Variants in AFF2 observed in about 807,000 individuals in gnomAD.
AFF2 encodes ALF transcription elongation factor 2.
Under a neutral mutation model 76.9 loss-of-function variants are expected in AFF2, and 14 were observed. The ratio of observed to expected loss-of-function variants is 0.18; its 90% CI spans 0.12 to 0.28. AFF2 has a LOEUF of 0.28. Among genes scored for constraint, AFF2 ranks in the 10% least tolerant of loss-of-function variants. The pLI, the probability that AFF2 is intolerant of heterozygous loss-of-function variation, is 1.00. For missense variants in AFF2, 868 were observed against 1,001.1 expected, an observed-to-expected ratio of 0.87 and a Z score of 1.79; for synonymous variants, 398 against 366.7, an observed-to-expected ratio of 1.09 and a Z score of -0.98.
At chrX:148,716,501 T>C (rs972656925) in intron 3 of AFF2, among the ~76,000 whole-genome samples, 30 of 111,692 alleles carry the variant, frequency 2.7e-4, no homozygotes, top group African/African-American at 9.8e-4. Flanking sequence ...GGGGAGTGTT[T>C]CTAGATTAGT....
At chrX:148,797,975 G>T (rs2070008309) in intron 3 of AFF2, among the ~76,000 whole-genome samples, 1 of 112,293 alleles carries the variant, frequency 8.9e-6, no homozygotes, top group African/African-American at 3.2e-5. Flanking sequence ...CCCTGTCTTA[G>T]TCTGTCTTGT....
At chrX:148,524,882 A>C (rs2052641842) in intron 1 of AFF2, among the ~76,000 whole-genome samples, 2 of 111,946 alleles carry the variant, frequency 1.8e-5, no homozygotes, top group Admixed American at 1.9e-4. Flanking sequence ...ACTCAGTCTT[A>C]TTTGTTGACA....
intron 5 of AFF2, among the ~76,000 whole-genome samples, chrX:148,838,459 C>A (rs1359585619): frequency 8.9e-6 from 1 of 111,861 alleles, no homozygotes; most frequent in Non-Finnish European, 1.9e-5. Context: ...TAGTAAATGT[C>A]TTCATAGAGA....
chrX:148,986,972 G>C (rs892632465), intron 19 of AFF2, among the ~76,000 whole-genome samples: 2 of 111,494 alleles, frequency 1.8e-5, no homozygotes, highest in African/African-American at 6.5e-5. Flanking sequence ...AGCCCTCGGT[G>C]GTGGTCAAAG....
intron 7 of AFF2, among the ~76,000 whole-genome samples, chrX:148,853,235 C>T (rs1370287543): frequency 9.0e-6 from 1 of 111,494 alleles, no homozygotes; most frequent in Admixed American, 9.5e-5. Context: ...TTATATAACA[C>T]ATAATATATA....
chrX:148,635,635 G>C (rs921489070), intron 1 of AFF2, among the ~76,000 whole-genome samples: 2 of 111,708 alleles, frequency 1.8e-5, no homozygotes, highest in African/African-American at 6.5e-5. Context: ...AAGAGAAGCT[G>C]CACAGTGTTG....
chrX:148,960,906 A>G (rs1015511188), intron 12 of AFF2, among the ~76,000 whole-genome samples: 14 of 111,505 alleles, frequency 1.3e-4, no homozygotes, highest in African/African-American at 4.6e-4. Context: ...CTGCTTTTCT[A>G]GTTGTAAGTC....
intron 3 of AFF2, among the ~76,000 whole-genome samples, chrX:148,678,271 C>A (rs1251155182): frequency 9.0e-6 from 1 of 111,594 alleles, no homozygotes; most frequent in Non-Finnish European, 1.9e-5. Context: ...CAGAACTGAG[C>A]CTTGAACTCT....
intron 4 of AFF2, among the ~76,000 whole-genome samples, chrX:148,814,637 C>T (rs782226638): frequency 8.9e-6 from 1 of 111,803 alleles, no homozygotes; most frequent in East Asian, 2.8e-4. Context: ...GGTTGGTAAA[C>T]ACCTACTTGG....
intron 4 of AFF2, among the ~76,000 whole-genome samples, chrX:148,811,271 C>T (rs1017214503): frequency 9.0e-6 from 1 of 110,995 alleles, no homozygotes; most frequent in African/African-American, 3.3e-5. Flanking sequence ...CCCTCATCTG[C>T]GGAAAAATTG....
At chrX:148,812,778 C>T (rs1488934649) in intron 4 of AFF2, among the ~76,000 whole-genome samples, 1 of 111,726 alleles carries the variant, frequency 9.0e-6, no homozygotes, top group Non-Finnish European at 1.9e-5. Context: ...ATACTTTTGC[C>T]TTATGTGTTT....
intron 3 of AFF2, among the ~76,000 whole-genome samples, chrX:148,792,301 A>T (rs1488675547): frequency 2.7e-5 from 3 of 112,230 alleles, no homozygotes; most frequent in South Asian, 3.7e-4. Context: ...TTATATACAA[A>T]AATTAGCCGG....
Position 148,623,620 on chromosome X carries a change from T to TAC in AFF2, c.48-28379_48-28378insAC, listed in dbSNP as rs1569552301. Among the ~76,000 whole-genome samples, 3 of 108,276 alleles carry TAC rather than the reference T, an allele frequency of 2.8e-5. No individual in the cohort carries two copies. In the South Asian group the frequency reaches 1.2e-3, roughly 42 times the overall value. 94.0% of individuals were successfully genotyped at this position (108,276 alleles called of 115,157 possible). On this transcript the variant is annotated intron_variant, in intron 1 of 20. Transcript: ENST00000370460. ...ATTTGAATATATATATATATATATA[T>TAC]TTAACTTGGTCTAGAATTTAAACCA...
At chrX:148,763,303 C>T (rs1173407581) in intron 3 of AFF2, among the ~76,000 whole-genome samples, 2 of 111,783 alleles carry the variant, frequency 1.8e-5, no homozygotes, top group African/African-American at 6.5e-5. Context: ...AAATCTTAGT[C>T]TCTGAGATAT....
intron 4 of AFF2, among the ~76,000 whole-genome samples, chrX:148,818,883 T>C (rs1431910172): frequency 9.0e-6 from 1 of 110,958 alleles, no homozygotes; most frequent in African/African-American, 3.3e-5. Context: ...AATGGGTCGA[T>C]GACAGCCTGG....
chrX:148,650,927 C>T (rs907291381), intron 1 of AFF2, among the ~76,000 whole-genome samples: 2 of 111,977 alleles, frequency 1.8e-5, no homozygotes, highest in Non-Finnish European at 3.8e-5. Context: ...GGACTATTAA[C>T]ATGGGGAAGG....
intron 1 of AFF2, among the ~76,000 whole-genome samples, chrX:148,529,869 A>G (rs782273205): frequency 1.8e-5 from 2 of 111,963 alleles, no homozygotes; most frequent in Non-Finnish European, 3.8e-5. Flanking sequence ...GAAGTGACAT[A>G]AGTGGCTCTC....
chrX:148,626,711 C>T (rs1397087960), intron 1 of AFF2, among the ~76,000 whole-genome samples: 1 of 110,977 alleles, frequency 9.0e-6, no homozygotes, highest in African/African-American at 3.3e-5. Context: ...ATCTTTGTCT[C>T]CATCTTCACA....
Position 148,717,473 on chromosome X carries a change from A to G in AFF2, c.1041+54705A>G, listed in dbSNP as rs782020737. Among the ~76,000 whole-genome samples, 4 of 112,309 alleles carry G rather than the reference A, an allele frequency of 3.6e-5. No individual in the cohort carries two copies. In the East Asian group the frequency reaches 1.1e-3, roughly 32 times the overall value. The stretch of plus-strand genomic sequence containing the variant: ...CGGGTGATGAAAATGTTTAAGAATC[A>G]GACAGTGGTGATGTTCACTTAACAT... On this transcript the variant is annotated intron_variant, in intron 3 of 20. Coordinates refer to ENST00000370460, the MANE Select transcript of AFF2 (RefSeq NM_002025.4).
Sources: gnomAD v4.1 joint callset for allele counts (sites outside exome capture counted in the v4.1 genomes callset) on GRCh38, gnomAD v4.1.1 for gene constraint, MANE v1.5 for transcripts, NCBI Gene and HGNC (gene_info 2026-07-23, HGNC 2026-07-21) for gene names.